The following TMEM87B variants were observed in gnomAD, a reference collection of about 807,000 sequenced individuals.
The protein encoded by TMEM87B is transmembrane protein 87B.
TMEM87B carries 83 observed loss-of-function variants against 80.3 expected under a neutral mutation model. The ratio of observed to expected loss-of-function variants is 1.03; its 90% CI spans 0.87 to 1.24. The LOEUF (loss-of-function observed/expected upper bound fraction) is 1.24, where lower values mean the gene tolerates loss of function less well. TMEM87B is among the 50% of genes most tolerant of loss of function. TMEM87B has a pLI of 0.00. For synonymous variants in TMEM87B, 219 were observed against 230.5 expected, an observed-to-expected ratio of 0.95 and a Z score of 0.45; for missense variants, 625 against 674.4, an observed-to-expected ratio of 0.93 and a Z score of 0.81.
chr2:112,110,288 C>T (rs1420115895), intron 17 of TMEM87B, among the ~76,000 whole-genome samples: 5 of 152,126 alleles, frequency 3.3e-5, no homozygotes, highest in Non-Finnish European at 7.3e-5. Flanking sequence ...TTTTCTGCAT[C>T]ACTGCACTGG....
At chr2:112,068,890 G>T (rs1678524590) in intron 4 of TMEM87B, among the ~76,000 whole-genome samples, 1 of 151,934 alleles carries the variant, frequency 6.6e-6, no homozygotes, top group Non-Finnish European at 1.5e-5. Flanking sequence ...GTGCAGGTTT[G>T]TTATATCGTA....
chr2:112,065,196 C>A (rs1462416195), intron 3 of TMEM87B, among the ~76,000 whole-genome samples: 3 of 152,182 alleles, frequency 2.0e-5, no homozygotes, highest in Non-Finnish European at 4.4e-5. Context: ...TTTCCTTGAA[C>A]TGCCTTTTTG....
chr2:112,087,524 C>G (rs143037889), intron 9 of TMEM87B, among the ~76,000 whole-genome samples: 1 of 152,198 alleles, frequency 6.6e-6, no homozygotes, highest in Non-Finnish European at 1.5e-5. Flanking sequence ...CACATCTGGA[C>G]CGCATGAACC....
intron 6 of TMEM87B, among the ~76,000 whole-genome samples, chr2:112,080,265 T>G (rs1270028784): frequency 6.7e-6 from 1 of 149,458 alleles, no homozygotes; most frequent in Non-Finnish European, 1.5e-5. Flanking sequence ...TTTTTTATCT[T>G]TTTTTATTTT....
chr2:112,079,163 A>G (rs531829429), intron 6 of TMEM87B, among the ~76,000 whole-genome samples: 1 of 152,328 alleles, frequency 6.6e-6, no homozygotes, highest in Admixed American at 6.5e-5. Context: ...TGAAACATAC[A>G]GTACTCTGTT....
chr2:112,095,304 C>A, intron 11 of TMEM87B: 2 of 981,008 alleles, frequency 2.0e-6, no homozygotes, highest in Non-Finnish European at 2.4e-6. Context: ...TGGTGGATAT[C>A]CTTTTCCTAC....
intron 11 of TMEM87B, 37 bp from the exon 12 acceptor site, chr2:112,097,004 CTTA>C (rs1330164368): frequency 3.1e-6 from 4 of 1,292,610 alleles, no homozygotes; most frequent in African/African-American, 3.0e-5. Flanking sequence ...TTTTTAACCT[CTTA>C]TTATTACTTG....
Position 112,097,280 on chromosome 2 carries a change from A to C in TMEM87B, c.1261A>C (p.Lys421Gln). Residue 421 changes from lysine to glutamine, a missense_variant, in exon 13 of 19, where the codon AAA (lysine) becomes CAA (glutamine). By Grantham distance (53) the Lys-to-Gln change is moderately conservative (BLOSUM62 1). Coordinates refer to ENST00000283206, the MANE Select transcript of TMEM87B (RefSeq NM_032824.3). ...GWTTKTFRIA[K>Q]CQSDWMERWV... ...GACAACTAAGACATTTAGAATTGCA[A>C]AATGCCAATCAGTAAGTATAACCTT... is the stretch of plus-strand genomic sequence containing the variant. 4 of 1,605,534 alleles carry C rather than the reference A, an allele frequency of 2.5e-6. No homozygotes were observed. In the South Asian group the frequency reaches 4.5e-5, roughly 18 times the overall value.
chr2:112,064,575 G>A (rs1678358818), intron 3 of TMEM87B, among the ~76,000 whole-genome samples: 1 of 152,164 alleles, frequency 6.6e-6, no homozygotes, highest in African/African-American at 2.4e-5. Flanking sequence ...AAATTATAGG[G>A]AAACTAGAAC....
At chr2:112,092,320 A>G (rs1315988928) in intron 11 of TMEM87B, among the ~76,000 whole-genome samples, 3 of 152,186 alleles carry the variant, frequency 2.0e-5, no homozygotes, top group African/African-American at 7.2e-5. Context: ...AGAGGGGGAC[A>G]GTGGCAGAAT....
intron 11 of TMEM87B, chr2:112,095,098 C>G (rs965054272): frequency 7.7e-5 from 65 of 843,476 alleles, no homozygotes; most frequent in Non-Finnish European, 9.3e-5. Flanking sequence ...TAGCCTTTCT[C>G]CTGTGGCCCT....
intron 4 of TMEM87B, among the ~76,000 whole-genome samples, chr2:112,073,225 T>C (rs1223231567): frequency 6.6e-6 from 1 of 152,134 alleles, no homozygotes; most frequent in Non-Finnish European, 1.5e-5. Flanking sequence ...TTTTAACTTT[T>C]CACTGTGGGC....
At chr2:112,062,961 C>G (rs62157787) in intron 2 of TMEM87B, among the ~76,000 whole-genome samples, 2,889 of 152,314 alleles carry the variant, frequency 0.019, 43 homozygotes, top group Non-Finnish European at 0.029. Context: ...CAGGGGATCA[C>G]TATGCAGATT....
At chr2:112,076,755 T>TCCTTTA (rs1330342201) in intron 5 of TMEM87B, among the ~76,000 whole-genome samples, 1 of 152,120 alleles carries the variant, frequency 6.6e-6, no homozygotes, top group Non-Finnish European at 1.5e-5. Context: ...GCTTCTTTCC[T>TCCTTTA]CCTTTACCTT....
At position 112,081,112 on chromosome 2, in the gene TMEM87B, A is replaced by C. The variant is rs945048621; in HGVS notation, c.648A>C (p.Leu216=). 9 of 1,612,464 alleles carry C rather than the reference A, an allele frequency of 5.6e-6. No individual in the cohort carries two copies. The highest frequency in any genetic ancestry group is 6.8e-6 in the Non-Finnish European group (8 of 1,179,648). ...HGYISASDWP[L]MIFYMVMCIV... ...ATATCTCTGCATCAGATTGGCCCCT[A>C]ATGATTGTGAGTATTTCTCATCATT... is the stretch of plus-strand genomic sequence containing the variant. The change falls in exon 7 of 19, where the codon CTA becomes CTC. Residue 216 remains leucine, a synonymous_variant. Coordinates refer to ENST00000283206, the MANE Select transcript of TMEM87B (RefSeq NM_032824.3).
rs748182127 is a variant in TMEM87B at position 112,107,851 on chromosome 2, TTC to T, written c.1577+13_1577+14del. The T allele has an allele frequency of 2.3e-5, 36 of 1,564,742 alleles. No homozygotes were observed. In the East Asian group the frequency reaches 4.5e-4, roughly 20 times the overall value. ...TTCATTCACAGATGTGTAAGTTATC[TTC>T]TGTTACAGTTTGATTGTAAATTTTA... On this transcript the variant is annotated intron_variant, in intron 17 of 18. Coordinates refer to ENST00000283206, the MANE Select transcript of TMEM87B (RefSeq NM_032824.3).
At chr2:112,059,672 G>T (rs1678185851) in intron 1 of TMEM87B, among the ~76,000 whole-genome samples, 1 of 152,186 alleles carries the variant, frequency 6.6e-6, no homozygotes, top group South Asian at 2.1e-4. Context: ...ACATGCAAAT[G>T]CAGTCAGTTC....
intron 5 of TMEM87B, 96 bp from the exon 6 acceptor site, chr2:112,077,096 G>T (rs573336857): frequency 2.0e-6 from 1 of 496,406 alleles, no homozygotes; most frequent in South Asian, 5.2e-5. Flanking sequence ...AAAGTAACCC[G>T]ATTCAATTAC....
intron 1 of TMEM87B, among the ~76,000 whole-genome samples, chr2:112,056,061 GT>G (rs1678047746): frequency 6.6e-6 from 1 of 152,116 alleles, no homozygotes; most frequent in Non-Finnish European, 1.5e-5. Context: ...GCTCTGACAT[GT>G]TTTGGCTGGA....
Sources: allele counts gnomAD v4.1 joint callset (sites outside exome capture counted in the v4.1 genomes callset), GRCh38; gene constraint gnomAD v4.1.1; transcripts MANE v1.5; gene names NCBI Gene and HGNC (gene_info 2026-07-23, HGNC 2026-07-21).